The following APBB1IP variants were observed in gnomAD, a reference collection of about 807,000 sequenced individuals.
APBB1IP encodes the protein amyloid beta A4 precursor protein-binding family B member 1-interacting protein.
A neutral mutation model predicts 64.9 loss-of-function variants in APBB1IP; 27 were observed. The ratio of observed to expected loss-of-function variants is 0.42; its 90% CI spans 0.31 to 0.57. The LOEUF (loss-of-function observed/expected upper bound fraction) is 0.57. Ranked by LOEUF, APBB1IP falls within the 20% of genes least tolerant of loss-of-function variation. The pLI is 0.20. For missense variants in APBB1IP, 812 were observed against 845.5 expected (o/e 0.96, Z 0.49); for synonymous variants, 392 against 331.0 (o/e 1.18, Z -2.00).
At chr10:26,501,851 G>T (rs1472559202) in intron 5 of APBB1IP, 9 of 152,250 alleles carry the variant, frequency 5.9e-5, no homozygotes, top group South Asian at 2.1e-4. Flanking sequence ...TCACAAATAA[G>T]ACCCTAGGGA....
At chr10:26,442,651 T>C (rs981216838) in intron 2 of APBB1IP, among the ~76,000 whole-genome samples, 14 of 152,240 alleles carry the variant, frequency 9.2e-5, no homozygotes, top group African/African-American at 3.4e-4. Flanking sequence ...TCATGTTTTA[T>C]TATGAAATGT....
chr10:26,499,727 T>C (rs1477185281), intron 4 of APBB1IP, among the ~76,000 whole-genome samples: 1 of 152,162 alleles, frequency 6.6e-6, no homozygotes, highest in Non-Finnish European at 1.5e-5. Flanking sequence ...TGCTCTACCA[T>C]AGTAATCTCA....
intron 8 of APBB1IP, among the ~76,000 whole-genome samples, chr10:26,526,596 G>A (rs1047957745): frequency 1.3e-5 from 2 of 152,104 alleles, no homozygotes; most frequent in African/African-American, 4.8e-5. Flanking sequence ...GCGTGTGCCT[G>A]TAGTCCCAGC....
At position 26,505,140 on chromosome 10, in the gene APBB1IP, T is replaced by C. The variant is rs555171582; in HGVS notation, c.531+1866T>C. ...TGCTAAGAGTTGTGTGAATTGTCCTTTTCACATAGGGCTTTACGCTTTCTA... is the reference window on the plus strand; with the variant it reads ...TGCTAAGAGTTGTGTGAATTGTCCTCTTCACATAGGGCTTTACGCTTTCTA... On this transcript the variant is annotated intron_variant, in intron 6 of 14. Transcript: ENST00000376236. Among the ~76,000 whole-genome samples, 3 of 152,262 alleles carry C rather than the reference T, an allele frequency of 2.0e-5. No individual in the cohort carries two copies. In the South Asian group the frequency reaches 6.2e-4, roughly 32 times the overall value.
At chr10:26,510,055 T>C (rs1443070367) in intron 6 of APBB1IP, among the ~76,000 whole-genome samples, 2 of 152,160 alleles carry the variant, frequency 1.3e-5, no homozygotes, top group African/African-American at 2.4e-5. Flanking sequence ...CTGCAACCTC[T>C]GCCTCCCAGT....
At chr10:26,541,175 A>T (rs984164966) in intron 10 of APBB1IP, among the ~76,000 whole-genome samples, 14 of 152,162 alleles carry the variant, frequency 9.2e-5, no homozygotes, top group African/African-American at 3.1e-4. Context: ...TTAAAAAATT[A>T]ATTTTATTTT....
chr10:26,480,620 CTTTTTTT>C (rs535190399), intron 2 of APBB1IP, among the ~76,000 whole-genome samples: 5 of 83,952 alleles, frequency 6.0e-5, no homozygotes, highest in Non-Finnish European at 1.1e-4. Context: ...TGAGCTGCTT[CTTTTTTT>C]TTTTTTTTTT....
chr10:26,554,499 C>T (rs1381792730), intron 11 of APBB1IP, among the ~76,000 whole-genome samples: 1 of 152,176 alleles, frequency 6.6e-6, no homozygotes, highest in Non-Finnish European at 1.5e-5. Flanking sequence ...CTTTCTTTGT[C>T]TTTGTCTGTG....
At chr10:26,551,453 C>T (rs1299579644) in intron 11 of APBB1IP, among the ~76,000 whole-genome samples, 1 of 152,214 alleles carries the variant, frequency 6.6e-6, no homozygotes, top group Admixed American at 6.5e-5. Flanking sequence ...CGGGGCTTCC[C>T]AGTCTCACTC....
chr10:26,497,851 C>T (rs919078994), intron 4 of APBB1IP, among the ~76,000 whole-genome samples: 1 of 151,446 alleles, frequency 6.6e-6, no homozygotes, highest in Admixed American at 6.6e-5. Context: ...CTCAGCCTCC[C>T]GAGTAGCTGG....
intron 2 of APBB1IP, among the ~76,000 whole-genome samples, chr10:26,461,726 C>T (rs1239418319): frequency 6.6e-6 from 1 of 151,574 alleles, no homozygotes; most frequent in Non-Finnish European, 1.5e-5. Context: ...CATGGTAGTT[C>T]CCTTCATTTT....
chr10:26,536,090 C>T lies in APBB1IP; in HGVS notation c.917C>T (p.Thr306Ile). The T allele has an allele frequency of 6.3e-7, 1 of 1,588,406 alleles. No individual in the cohort carries two copies. Among genetic ancestry groups the T allele is most frequent in the Non-Finnish European group, 8.5e-7 (1 of 1,171,832 alleles). ...CACTTTCAGGAAAGTTTCTGTGGAA[C>T]ATCTATCATTGTACCAGAACTGGAA... ...ESLLEESFCG[T>I]SIIVPELEGA... The change falls in exon 10 of 15, where the codon ACA (threonine) becomes ATA (isoleucine). Residue 306 changes from threonine (T) to isoleucine (I), a missense_variant. Physicochemically the swap from Thr to Ile is moderately conservative, Grantham distance 89. This residue lies in a region of APBB1IP where 394 missense variants were observed against 413.1 expected (regional missense o/e 0.95). Coordinates refer to ENST00000376236, the MANE Select transcript of APBB1IP (RefSeq NM_019043.4).
At chr10:26,537,139 C>A (rs564241415) in intron 10 of APBB1IP, among the ~76,000 whole-genome samples, 2 of 150,496 alleles carry the variant, frequency 1.3e-5, no homozygotes, top group African/African-American at 4.8e-5. Flanking sequence ...TCTCTAAGAC[C>A]TTTCTTAGAG....
intron 2 of APBB1IP, among the ~76,000 whole-genome samples, chr10:26,457,484 C>A (rs1835540614): frequency 6.6e-6 from 1 of 152,152 alleles, no homozygotes; most frequent in Admixed American, 6.5e-5. Context: ...CCAGTCGCAG[C>A]CTCACTTCAC....
intron 8 of APBB1IP, among the ~76,000 whole-genome samples, chr10:26,518,761 T>C (rs1836364447): frequency 6.6e-6 from 1 of 152,220 alleles, no homozygotes; most frequent in Admixed American, 6.5e-5. Context: ...TCCCAGTCTC[T>C]CACCCTAGAC....
At chr10:26,564,508 G>C (rs1588622366) in intron 14 of APBB1IP, among the ~76,000 whole-genome samples, 1 of 152,282 alleles carries the variant, frequency 6.6e-6, no homozygotes, top group East Asian at 1.9e-4. Context: ...ATGCAGTTGA[G>C]AAATGGTAAA....
chr10:26,496,730 G>C (rs1008052184), intron 4 of APBB1IP, among the ~76,000 whole-genome samples: 2 of 151,652 alleles, frequency 1.3e-5, no homozygotes, highest in African/African-American at 4.8e-5. Context: ...TGTCCCTTCA[G>C]TGATAGAAAT....
chr10:26,529,762 TC>T (rs1836524458), intron 8 of APBB1IP, among the ~76,000 whole-genome samples: 1 of 152,162 alleles, frequency 6.6e-6, no homozygotes, highest in Non-Finnish European at 1.5e-5. Context: ...TGCCTCAGCC[TC>T]CCTAGTAGCT....
intron 8 of APBB1IP, among the ~76,000 whole-genome samples, chr10:26,525,908 G>C (rs1487930178): frequency 6.6e-6 from 1 of 152,164 alleles, no homozygotes; most frequent in Non-Finnish European, 1.5e-5. Context: ...CTGGGTCCCT[G>C]TGTCTTCAGA....
Sources: allele counts gnomAD v4.1 joint callset (sites outside exome capture counted in the v4.1 genomes callset), GRCh38; gene constraint gnomAD v4.1.1; regional missense constraint gnomAD v4.1.1; transcripts MANE v1.5; gene names NCBI Gene and HGNC (gene_info 2026-07-23, HGNC 2026-07-21).